Variants in ITGA8 observed in about 807,000 individuals in gnomAD.
The protein encoded by ITGA8 is integrin alpha-8.
A neutral mutation model predicts 142.3 loss-of-function variants in ITGA8; 91 were observed. The observed-to-expected ratio is 0.64, with a 90% CI of 0.54 to 0.76. The LOEUF (loss-of-function observed/expected upper bound fraction) is 0.76, where lower values mean the gene tolerates loss of function less well. ITGA8 is among the 30% of genes least tolerant of loss of function. ITGA8 has a pLI of 0.00. For synonymous variants in ITGA8, 505 were observed against 485.2 expected, an observed-to-expected ratio of 1.04 and a Z score of -0.54; for missense variants, 1,406 against 1,327.7, an observed-to-expected ratio of 1.06 and a Z score of -0.92.
At chr10:15,569,308 G>A (rs569057642) in intron 25 of ITGA8, among the ~76,000 whole-genome samples, 3 of 152,300 alleles carry the variant, frequency 2.0e-5, no homozygotes, top group African/African-American at 4.8e-5. Flanking sequence ...GGCTAGTCCA[G>A]TGGGGACTGG....
At chr10:15,672,858 A>T (rs1025642611) in intron 6 of ITGA8, 109 bp from the exon 7 acceptor site, 82 of 1,260,500 alleles carry the variant, frequency 6.5e-5, no homozygotes, top group Admixed American at 2.8e-5. Context: ...TGCTTTTTTG[A>T]TGATGAATTT....
intron 20 of ITGA8, among the ~76,000 whole-genome samples, chr10:15,598,282 T>C (rs2131602201): frequency 1.3e-5 from 2 of 152,250 alleles, no homozygotes; most frequent in South Asian, 4.2e-4. Context: ...CGGAAGAGGG[T>C]TCTCAATATA....
At chr10:15,665,037 G>A (rs1181041997) in intron 8 of ITGA8, among the ~76,000 whole-genome samples, 3 of 152,128 alleles carry the variant, frequency 2.0e-5, no homozygotes, top group African/African-American at 2.4e-5. Flanking sequence ...ACCCAGTAAT[G>A]GGATTGCTGG....
chr10:15,637,331 A>G (rs1833788633), intron 13 of ITGA8, among the ~76,000 whole-genome samples: 1 of 152,140 alleles, frequency 6.6e-6, no homozygotes, highest in Admixed American at 6.6e-5. Flanking sequence ...CCCGCCCTAG[A>G]AAGTGCAGGC....
At chr10:15,643,939 A>G in intron 13 of ITGA8, 91 bp downstream of exon 13, 1 of 1,160,850 alleles carries the variant, frequency 8.6e-7, no homozygotes, top group Non-Finnish European at 1.2e-6. Flanking sequence ...TCATCTGTAG[A>G]AGAAAACTGC....
At chr10:15,616,985 C>T (rs1052496636) in intron 13 of ITGA8, among the ~76,000 whole-genome samples, 4 of 152,164 alleles carry the variant, frequency 2.6e-5, no homozygotes, top group Non-Finnish European at 4.4e-5. Flanking sequence ...AGAAGTGGAA[C>T]GTTCTGATTG....
chr10:15,588,371 G>A (rs754391113), intron 22 of ITGA8, among the ~76,000 whole-genome samples: 7 of 152,148 alleles, frequency 4.6e-5, no homozygotes, highest in Non-Finnish European at 5.9e-5. Flanking sequence ...ACCCATGACC[G>A]AGCTTAAGGG....
intron 23 of ITGA8, among the ~76,000 whole-genome samples, chr10:15,585,030 C>T (rs1024076257): frequency 6.6e-6 from 1 of 151,904 alleles, no homozygotes; most frequent in Non-Finnish European, 1.5e-5. Flanking sequence ...CAGAGTGAGA[C>T]CCAGTCTCAA....
At chr10:15,601,802 T>C (rs754723876) in intron 20 of ITGA8, among the ~76,000 whole-genome samples, 2 of 152,208 alleles carry the variant, frequency 1.3e-5, no homozygotes, top group Non-Finnish European at 2.9e-5. Context: ...TAATGCCTAA[T>C]ATTTTTCCCC....
chr10:15,712,179 A>G (rs1323513818), intron 2 of ITGA8, among the ~76,000 whole-genome samples: 1 of 152,252 alleles, frequency 6.6e-6, no homozygotes, highest in Admixed American at 6.5e-5. Flanking sequence ...TGAATTTTGA[A>G]AAATAAAAAT....
intron 13 of ITGA8, among the ~76,000 whole-genome samples, chr10:15,642,971 A>G (rs1007051110): frequency 6.6e-6 from 1 of 152,214 alleles, no homozygotes; most frequent in Non-Finnish European, 1.5e-5. Context: ...ACTGTCATTT[A>G]ACTATTAATG....
At chr10:15,601,960 T>C (rs1342291093) in intron 20 of ITGA8, among the ~76,000 whole-genome samples, 2 of 152,114 alleles carry the variant, frequency 1.3e-5, no homozygotes, top group African/African-American at 2.4e-5. Flanking sequence ...CAAAGGGAAA[T>C]TGACAGAGAA....
chr10:15,592,128 G>A lies in ITGA8; in HGVS notation c.2291+97C>T, dbSNP rs1041255780. On this transcript the variant is annotated intron_variant, in intron 22 of 29. Coordinates refer to ENST00000378076, the MANE Select transcript of ITGA8 (RefSeq NM_003638.3). Reference sequence around the variant, plus strand: ...AAGTCTGGGTTCTAATTTCAGGTGAGCTTTTAAGGCCAAGGGCCTTGACAG... The same window carrying A: ...AAGTCTGGGTTCTAATTTCAGGTGAACTTTTAAGGCCAAGGGCCTTGACAG... 5.3e-6 allele frequency: 4 copies of A among 749,652 alleles called. No homozygotes were observed. The Admixed American group carries it at 1.1e-4, about 21-fold the overall frequency. 46.4% of individuals were successfully genotyped at this position (749,652 alleles called of 1,614,324 possible).
In ITGA8 at chr10:15,646,861, G is replaced by T; in HGVS notation, c.1192C>A (p.Gln398Lys). 1 of 1,613,570 alleles carries T rather than the reference G, an allele frequency of 6.2e-7. No individual in the cohort carries two copies. Among genetic ancestry groups the T allele is most frequent in the Non-Finnish European group, 8.5e-7 (1 of 1,179,750 alleles). The change falls in exon 12 of 30, where the codon CAA becomes AAA. Residue 398 changes from glutamine to lysine, a missense_variant. Gln to Lys is a moderately conservative substitution (Grantham distance 53). Coordinates refer to ENST00000378076, the MANE Select transcript of ITGA8 (RefSeq NM_003638.3). ...TTTAAATTACCATTGTATCCATCTT[G>T]GTTCAGGTCTCCTAAGTGTGCCATA... ...SAMAHLGDLN[Q>K]DGYNDIAIGV...
At chr10:15,580,126 TAAAAAA>T (rs35286236) in intron 23 of ITGA8, among the ~76,000 whole-genome samples, 1 of 108,894 alleles carries the variant, frequency 9.2e-6, no homozygotes, top group Non-Finnish European at 1.8e-5. Flanking sequence ...TCAGAAAATG[TAAAAAA>T]AAAAAAAAAA....
In ITGA8 at chr10:15,515,901, TA is replaced by T. The variant is rs1376400746; in HGVS notation, c.*1256del. The T allele has an allele frequency of 6.6e-6, 1 of 152,176 alleles. No homozygotes were observed. The highest frequency in any genetic ancestry group is 1.5e-5 in the Non-Finnish European group (1 of 68,002). 9.4% of individuals were successfully genotyped at this position (152,176 alleles called of 1,614,324 possible). A position where few individuals can be genotyped will look rare whatever the true frequency, so the allele number is the denominator to read the frequency against. ...GATTATTCTCCAAAGTTACATATTA[TA>T]AAGATTAGCAGTAAAAATAAGTAAT... On this transcript the variant is annotated 3_prime_UTR_variant, in exon 30 of 30. Coordinates refer to ENST00000378076, the MANE Select transcript of ITGA8 (RefSeq NM_003638.3).
intron 26 of ITGA8, among the ~76,000 whole-genome samples, chr10:15,557,642 C>G (rs1385690166): frequency 4.6e-5 from 7 of 152,176 alleles, no homozygotes; most frequent in South Asian, 4.1e-4. Flanking sequence ...TGTGAGCCAC[C>G]ATACCCAGCC....
chr10:15,579,746 C>G (rs1243494741), intron 23 of ITGA8, among the ~76,000 whole-genome samples: 1 of 151,882 alleles, frequency 6.6e-6, no homozygotes, highest in Non-Finnish European at 1.5e-5. Flanking sequence ...CTCCAAATAT[C>G]TGTAAATCAA....
At chr10:15,671,454 A>G in intron 8 of ITGA8, 149 bp downstream of exon 8, 1 of 596,256 alleles carries the variant, frequency 1.7e-6, no homozygotes, top group Non-Finnish European at 3.0e-6. Flanking sequence ...GTATCAAAGT[A>G]TTTTTTCTAC....
Sources: gnomAD v4.1 joint callset for allele counts (sites outside exome capture counted in the v4.1 genomes callset) on GRCh38, gnomAD v4.1.1 for gene constraint, MANE v1.5 for transcripts, NCBI Gene and HGNC (gene_info 2026-07-23, HGNC 2026-07-21) for gene names.